Variants in CDH12 observed in about 807,000 individuals in gnomAD.
The protein encoded by CDH12 is cadherin 12.
A neutral mutation model predicts 74.1 loss-of-function variants in CDH12; 41 were observed. The ratio of observed to expected loss-of-function variants is 0.55; its 90% confidence interval spans 0.43 to 0.72. The LOEUF (loss-of-function observed/expected upper bound fraction) is 0.72, where lower values mean the gene tolerates loss of function less well. CDH12 is among the 30% of genes least tolerant of loss of function. CDH12 has a pLI of 0.00. For missense variants in CDH12, 945 were observed against 977.2 expected (o/e 0.97, Z 0.44); for synonymous variants, 399 against 355.0 (o/e 1.12, Z -1.39).
chr5:22,749,670 C>T (rs1331404992), intron 1 of CDH12, among the ~76,000 whole-genome samples: 1 of 152,136 alleles, frequency 6.6e-6, no homozygotes, highest in Non-Finnish European at 1.5e-5. Flanking sequence ...ACGTATGTCA[C>T]TATTTTTTCT....
At chr5:22,424,687 T>C (rs1743817996) in intron 2 of CDH12, among the ~76,000 whole-genome samples, 1 of 152,320 alleles carries the variant, frequency 6.6e-6, no homozygotes, top group Non-Finnish European at 1.5e-5. Context: ...TGTATTATTC[T>C]TTGCTCATGA....
intron 2 of CDH12, among the ~76,000 whole-genome samples, chr5:22,499,934 AT>A (rs1360319315): frequency 1.3e-5 from 2 of 152,182 alleles, no homozygotes; most frequent in Non-Finnish European, 2.9e-5. Context: ...AAAAATAATC[AT>A]TGCCAGGGGA....
At chr5:22,154,023 G>A (rs1325543416) in intron 4 of CDH12, among the ~76,000 whole-genome samples, 3 of 149,078 alleles carry the variant, frequency 2.0e-5, no homozygotes, top group Admixed American at 6.7e-5. Context: ...TTACAGGCAT[G>A]AGCCATCTCG....
intron 3 of CDH12, among the ~76,000 whole-genome samples, chr5:22,263,546 A>G (rs1363354307): frequency 6.6e-6 from 1 of 152,082 alleles, no homozygotes; most frequent in Non-Finnish European, 1.5e-5. Flanking sequence ...CAACTTAAAA[A>G]CATCCTGGCC....
chr5:22,262,788 A>AC (rs1475032970), intron 3 of CDH12, among the ~76,000 whole-genome samples: 1 of 151,984 alleles, frequency 6.6e-6, no homozygotes, highest in African/African-American at 2.4e-5. Flanking sequence ...TTGTTTCCTG[A>AC]CTTTTTAATG....
intron 1 of CDH12, among the ~76,000 whole-genome samples, chr5:22,827,745 C>T (rs944562576): frequency 1.3e-5 from 2 of 152,102 alleles, no homozygotes; most frequent in Middle Eastern, 3.2e-3. Flanking sequence ...AGGTAATAGA[C>T]ATTTTTTAAG....
At chr5:22,268,289 A>G (rs1254185803) in intron 3 of CDH12, among the ~76,000 whole-genome samples, 1 of 152,118 alleles carries the variant, frequency 6.6e-6, no homozygotes, top group African/African-American at 2.4e-5. Context: ...ATATGTACAT[A>G]AATTTATATA....
chr5:21,754,021 G>T (rs73053202), intron 14 of CDH12, among the ~76,000 whole-genome samples: 1 of 152,252 alleles, frequency 6.6e-6, no homozygotes, highest in East Asian at 1.9e-4. Context: ...AGAAAAAAAC[G>T]AGGAGGATAC....
At chr5:22,601,103 T>C (rs1363745328) in intron 1 of CDH12, among the ~76,000 whole-genome samples, 1 of 152,138 alleles carries the variant, frequency 6.6e-6, no homozygotes, top group Non-Finnish European at 1.5e-5. Context: ...TTTAATATAT[T>C]TGAACACATT....
intron 1 of CDH12, among the ~76,000 whole-genome samples, chr5:22,631,317 C>T (rs1738572833): frequency 6.6e-6 from 1 of 152,112 alleles, no homozygotes; most frequent in Non-Finnish European, 1.5e-5. Context: ...ATAATTCTGT[C>T]ATAAAGACAC....
intron 2 of CDH12, among the ~76,000 whole-genome samples, chr5:22,495,493 G>A (rs1393666065): frequency 6.6e-6 from 1 of 152,108 alleles, no homozygotes; most frequent in Non-Finnish European, 1.5e-5. Flanking sequence ...TGTCTGTCAA[G>A]AGTTTCAGTA....
chr5:22,055,400 T>C (rs182822556), intron 5 of CDH12, among the ~76,000 whole-genome samples: 6 of 152,306 alleles, frequency 3.9e-5, no homozygotes, highest in Admixed American at 3.3e-4. Context: ...TGGGAGTATG[T>C]TGAAACCTGC....
At chr5:22,442,846 C>T (rs1187828937) in intron 2 of CDH12, among the ~76,000 whole-genome samples, 1 of 152,134 alleles carries the variant, frequency 6.6e-6, no homozygotes, top group Non-Finnish European at 1.5e-5. Flanking sequence ...TTCTGGTTCG[C>T]AACTTGGGTA....
At chr5:22,718,674 T>C (rs924203890) in intron 1 of CDH12, among the ~76,000 whole-genome samples, 4 of 151,994 alleles carry the variant, frequency 2.6e-5, no homozygotes, top group Non-Finnish European at 5.9e-5. Context: ...CCAGAGACAA[T>C]GGAGACTCAA....
intron 6 of CDH12, among the ~76,000 whole-genome samples, chr5:21,857,584 A>C (rs1561247495): frequency 6.6e-6 from 1 of 151,946 alleles, no homozygotes; most frequent in Admixed American, 6.6e-5. Context: ...AAGGGAATAA[A>C]TATTTATAAA....
intron 1 of CDH12, among the ~76,000 whole-genome samples, chr5:22,801,549 A>G (rs1748513021): frequency 6.7e-6 from 1 of 150,212 alleles, no homozygotes; most frequent in Non-Finnish European, 1.5e-5. Context: ...TGTTGTCGAT[A>G]TAATGCTTCT....
chr5:22,580,676 G>A (rs1310127344), intron 1 of CDH12: 1 of 400,992 alleles, frequency 2.5e-6, no homozygotes, highest in Middle Eastern at 3.8e-4. Flanking sequence ...AGTGTTTCAA[G>A]TGGAGGAGGC....
Position 21,860,329 on chromosome 5 carries a change from T to G in CDH12, c.527-5539A>C, listed in dbSNP as rs78378096. On this transcript the variant is annotated intron_variant, in intron 6 of 14. Transcript: ENST00000382254. ...AAGGATTAGTGTGCTTCGGGTTGTA[T>G]GAGGGATAACTGTATTAAGTTAGGT... Among the ~76,000 whole-genome samples the G allele has an allele frequency of 9.0e-3, 1,364 of 152,138 alleles. 20 individuals are homozygous for G. The highest frequency in any genetic ancestry group is 0.031 in the African/African-American group (1,290 of 41,534).
At chr5:22,694,691 G>T (rs1742256241) in intron 1 of CDH12, among the ~76,000 whole-genome samples, 1 of 146,306 alleles carries the variant, frequency 6.8e-6, no homozygotes, top group Admixed American at 7.1e-5. Context: ...TTTTATATTT[G>T]CAGGATAGTG....
Sources: allele counts gnomAD v4.1 joint callset (sites outside exome capture counted in the v4.1 genomes callset), GRCh38; gene constraint gnomAD v4.1.1; transcripts MANE v1.5; gene names NCBI Gene and HGNC (gene_info 2026-07-23, HGNC 2026-07-21).